Variants in MCC observed in about 807,000 individuals in gnomAD.
MCC encodes the protein colorectal mutant cancer protein.
A neutral mutation model predicts 116.2 loss-of-function variants in MCC; 90 were observed. The observed-to-expected ratio is 0.77, with a 90% CI of 0.65 to 0.92. The LOEUF (loss-of-function observed/expected upper bound fraction) is 0.92. Among genes scored for constraint, MCC ranks in the 40% least tolerant of loss-of-function variants. MCC has a pLI of 0.00. For missense variants in MCC, 1,516 were observed against 1,312.2 expected (o/e 1.16, Z -2.40); for synonymous variants, 578 against 510.5 (o/e 1.13, Z -1.78).
intron 3 of MCC, among the ~76,000 whole-genome samples, chr5:113,168,779 A>T (rs1021272566): frequency 3.3e-5 from 5 of 152,128 alleles, no homozygotes; most frequent in Non-Finnish European, 7.4e-5. Context: ...GATCTGAGAC[A>T]GGCAGCAGAG....
chr5:113,157,564 C>T (rs548125991), intron 3 of MCC, among the ~76,000 whole-genome samples: 14 of 152,344 alleles, frequency 9.2e-5, no homozygotes, highest in Non-Finnish European at 1.5e-4. Context: ...CCAGTCTTCC[C>T]GGCTTTGTTG....
Position 113,162,965 on chromosome 5 carries a change from C to G in MCC, c.628-11543G>C, listed in dbSNP as rs572758463. On this transcript the variant is annotated intron_variant, in intron 3 of 18. Coordinates refer to ENST00000408903, the MANE Select transcript of MCC (RefSeq NM_001085377.2). ...TGATTCAACACATTGGAGCCTAGATCACATTAATCAGAGTAATCTAGAGTC... is the reference window on the plus strand; with the variant it reads ...TGATTCAACACATTGGAGCCTAGATGACATTAATCAGAGTAATCTAGAGTC... 3.3e-5 allele frequency among the ~76,000 whole-genome samples: 5 copies of G among 152,300 alleles called. No homozygotes were observed. In the South Asian group the frequency reaches 1.0e-3, roughly 32 times the overall value.
At chr5:113,463,111 G>C (rs1771790860) in intron 1 of MCC, among the ~76,000 whole-genome samples, 1 of 152,198 alleles carries the variant, frequency 6.6e-6, no homozygotes, top group African/African-American at 2.4e-5. Context: ...GAGCTAGATA[G>C]GGAGTGAGAG....
intron 1 of MCC, chr5:113,399,952 C>A (rs1344725127): frequency 6.6e-6 from 1 of 152,064 alleles, no homozygotes; most frequent in Non-Finnish European, 1.5e-5. Context: ...GGTGAAACGT[C>A]AAGAATGACT....
chr5:113,027,460 T>C lies in MCC; in HGVS notation c.2902A>G (p.Lys968Glu). The C allele has an allele frequency of 3.7e-6, 6 of 1,614,198 alleles. No individual in the cohort carries two copies. Among genetic ancestry groups the C allele is most frequent in the Non-Finnish European group, 5.1e-6 (6 of 1,180,034 alleles). Residue 968 changes from lysine to glutamate, a missense_variant, in exon 19 of 19, where the codon AAA becomes GAA. Transcript: ENST00000408903. ...ANSNLVAAYE[K>E]AKKKHQNKLK... is the part of the protein sequence containing the mutation. ...TTGTTTTGATGCTTTTTCTTTGCTT[T>C]CTCATAGGCAGCCACCAGGTTGCTA... is the stretch of plus-strand genomic sequence containing the variant.
chr5:113,431,763 AGGG>A (rs34082350), intron 1 of MCC, among the ~76,000 whole-genome samples: 3,718 of 40,786 alleles, frequency 0.091, 297 homozygotes, highest in African/African-American at 0.18. Context: ...TGGGAGGCCA[AGGG>A]GGGGGGGGGG....
At chr5:113,163,578 T>G (rs897482795) in intron 3 of MCC, among the ~76,000 whole-genome samples, 2 of 152,106 alleles carry the variant, frequency 1.3e-5, no homozygotes, top group East Asian at 1.9e-4. Context: ...CCCATAAAAT[T>G]ATGAGTTCCA....
At chr5:113,429,749 A>G (rs1262218414) in intron 1 of MCC, among the ~76,000 whole-genome samples, 3 of 152,174 alleles carry the variant, frequency 2.0e-5, no homozygotes, top group Non-Finnish European at 4.4e-5. Context: ...TATCCAGAGA[A>G]ATTCTGAGGG....
chr5:113,433,900 G>A, intron 1 of MCC: 6 of 1,613,986 alleles, frequency 3.7e-6, no homozygotes, highest in Non-Finnish European at 4.2e-6. Context: ...TCTCCCTCAG[G>A]CTCCAGCTTG....
chr5:113,242,463 A>C (rs942610670), intron 3 of MCC, among the ~76,000 whole-genome samples: 9 of 152,202 alleles, frequency 5.9e-5, no homozygotes, highest in Admixed American at 5.9e-4. Context: ...AACTGGAAAA[A>C]AAATTAAGTC....
rs76772387 is a variant in MCC at position 113,321,285 on chromosome 5, A to T, written c.627+19234T>A. On this transcript the variant is annotated intron_variant, in intron 3 of 18. Transcript: ENST00000408903. Reference sequence around the variant, plus strand: ...TTTTCTTTGTAAAATAAATAGGAAAACTTTTTTTTTAATAAGGAAAAGCAT... The same window carrying T: ...TTTTCTTTGTAAAATAAATAGGAAATCTTTTTTTTTAATAAGGAAAAGCAT... Among the ~76,000 whole-genome samples the T allele has an allele frequency of 2.7e-4, 41 of 152,262 alleles. No homozygotes were observed. In the East Asian group the frequency reaches 7.1e-3, roughly 26 times the overall value.
Position 113,024,176 on chromosome 5 carries a change from G to A in MCC, c.*3126C>T, listed in dbSNP as rs952772711. The stretch of plus-strand genomic sequence containing the variant: ...AAAATATTGCTGCAGGCTCAGAGAA[G>A]ACTTAGTGCATGCATCTGAAAGGAG... On this transcript the variant is annotated 3_prime_UTR_variant, in exon 19 of 19. Coordinates refer to ENST00000408903, the MANE Select transcript of MCC (RefSeq NM_001085377.2). The A allele has an allele frequency of 6.6e-6, 1 of 152,154 alleles. No individual in the cohort carries two copies. The highest frequency in any genetic ancestry group is 1.5e-5 in the Non-Finnish European group (1 of 68,042). The allele number at this position is 152,154 out of a possible 1,614,324, so 9.4% of individuals were successfully genotyped here.
rs1422843360 is a variant in MCC, at chr5:113,101,936, C to T, written c.1201G>A (p.Glu401Lys). The change falls in exon 8 of 19, where the codon GAG (glutamate) becomes AAG (lysine). Residue 401 changes from glutamate to lysine, a missense_variant. Transcript: ENST00000408903. ...TCCCGGCCAAGCACCCCCTCAATCTCCTCGACTGTCTGTAAAACACAGCCC... is the reference window on the plus strand; with the variant it reads ...TCCCGGCCAAGCACCCCCTCAATCTTCTCGACTGTCTGTAAAACACAGCCC... ...HCDLAIKTVE[E>K]IEGVLGRDLY... The T allele has an allele frequency of 2.5e-6, 4 of 1,613,814 alleles. No homozygotes were observed. Among genetic ancestry groups the T allele is most frequent in the Non-Finnish European group, 3.4e-6 (4 of 1,180,004 alleles).
At chr5:113,074,732 A>G (rs1008918289) in intron 11 of MCC, among the ~76,000 whole-genome samples, 5 of 152,268 alleles carry the variant, frequency 3.3e-5, no homozygotes, top group Non-Finnish European at 5.9e-5. Context: ...CAAGAACTAC[A>G]TGATGCATGC....
chr5:113,217,635 A>C (rs1320130721), intron 3 of MCC, among the ~76,000 whole-genome samples: 1 of 148,610 alleles, frequency 6.7e-6, no homozygotes, highest in Non-Finnish European at 1.5e-5. Context: ...GCTGGGAATC[A>C]AGGAGGAAAG....
intron 1 of MCC, among the ~76,000 whole-genome samples, chr5:113,471,792 TG>T (rs2150431612): frequency 7.3e-6 from 1 of 137,488 alleles, no homozygotes; most frequent in South Asian, 2.5e-4. Context: ...CCTTGAGCTG[TG>T]GTGGGCTCCA....
At chr5:113,179,446 T>G (rs569436350) in intron 3 of MCC, among the ~76,000 whole-genome samples, 2 of 152,368 alleles carry the variant, frequency 1.3e-5, no homozygotes, top group East Asian at 3.9e-4. Context: ...CTGAAGTGAC[T>G]GGCTCTGCTT....
At chr5:113,215,265 A>G (rs561082576) in intron 3 of MCC, among the ~76,000 whole-genome samples, 3 of 152,300 alleles carry the variant, frequency 2.0e-5, no homozygotes, top group East Asian at 1.9e-4. Context: ...TTCCTCTACT[A>G]GACTTCAGAC....
chr5:113,191,631 C>T (rs1430375726), intron 3 of MCC, among the ~76,000 whole-genome samples: 1 of 152,192 alleles, frequency 6.6e-6, no homozygotes, highest in African/African-American at 2.4e-5. Flanking sequence ...GCCACATCTC[C>T]GTACATCAGA....
Sources: gnomAD v4.1 joint callset for allele counts (sites outside exome capture counted in the v4.1 genomes callset) on GRCh38, gnomAD v4.1.1 for gene constraint, MANE v1.5 for transcripts, NCBI Gene and HGNC (gene_info 2026-07-23, HGNC 2026-07-21) for gene names.